COG2: variants seen among roughly 807,000 people sequenced by gnomAD.
COG2 encodes component of oligomeric golgi complex 2.
COG2 carries 52 observed loss-of-function variants against 90.6 expected under a neutral mutation model. The observed-to-expected ratio is 0.57, with a 90% CI of 0.46 to 0.72. The LOEUF is 0.72. Among genes scored for constraint, COG2 ranks in the 30% least tolerant of loss-of-function variants. The pLI is 0.00. For missense variants in COG2, 829 were observed against 891.2 expected, an observed-to-expected ratio of 0.93 and a Z score of 0.89; for synonymous variants, 337 against 320.4, an observed-to-expected ratio of 1.05 and a Z score of -0.55.
At chr1:230,665,758 A>G (rs1167890662) in intron 5 of COG2, among the ~76,000 whole-genome samples, 1 of 152,102 alleles carries the variant, frequency 6.6e-6, no homozygotes, top group Non-Finnish European at 1.5e-5. Context: ...CAGAGTCCCC[A>G]TCAGTGTCAG....
At chr1:230,642,708 G>A (rs753604000) in intron 1 of COG2, 30 bp downstream of exon 1, 1 of 1,601,940 alleles carries the variant, frequency 6.2e-7, no homozygotes, top group South Asian at 1.1e-5. Flanking sequence ...CCCGGAGCCG[G>A]GCCATGAGGG....
chr1:230,672,798 C>T (rs1662484646), intron 8 of COG2, among the ~76,000 whole-genome samples: 1 of 152,206 alleles, frequency 6.6e-6, no homozygotes, highest in Non-Finnish European at 1.5e-5. Flanking sequence ...CCGCTGCTCA[C>T]ACCTTCCCCT....
intron 10 of COG2, 44 bp downstream of exon 10, chr1:230,679,096 CAG>C (rs1662670140): frequency 2.6e-6 from 4 of 1,560,936 alleles, no homozygotes; most frequent in Non-Finnish European, 3.5e-6. Flanking sequence ...CCTTCTAAAA[CAG>C]AATTGGAATG....
chr1:230,671,587 T>C lies in COG2; in HGVS notation c.846T>C (p.Phe282=), dbSNP rs145037094. The part of the protein sequence containing the change: ...LQVMYNKLLE[F]VPHHCRLLRE... ...TCATGTATAATAAACTCCTGGAGTTTGTTCCTCACCATTGCCGCCTTCTTC... is the reference window on the plus strand; with the variant it reads ...TCATGTATAATAAACTCCTGGAGTTCGTTCCTCACCATTGCCGCCTTCTTC... The change falls in exon 8 of 18, where the codon TTT becomes TTC. Residue 282 remains phenylalanine, a synonymous_variant. Coordinates refer to ENST00000366669, the MANE Select transcript of COG2 (RefSeq NM_007357.3). The C allele has an allele frequency of 7.4e-5, 120 of 1,613,944 alleles. No homozygotes were observed. In the African/African-American group the frequency reaches 1.5e-3, roughly 20 times the overall value.
At chr1:230,667,989 T>A (rs998190685) in intron 5 of COG2, among the ~76,000 whole-genome samples, 4 of 152,190 alleles carry the variant, frequency 2.6e-5, no homozygotes, top group African/African-American at 9.7e-5. Flanking sequence ...GCCCTCTCAC[T>A]AGGACCCACA....
chr1:230,674,927 A>AAC lies in COG2; in HGVS notation c.900-67_900-66dup, dbSNP rs1243660935. The AAC allele has an allele frequency of 2.4e-6, 3 of 1,250,438 alleles. No individual in the cohort carries two copies. The East Asian group carries it at 7.7e-5, about 32-fold the overall frequency. 77.5% of individuals were successfully genotyped at this position (1,250,438 alleles called of 1,614,324 possible). On this transcript the variant is annotated intron_variant, in intron 8 of 17. Transcript: ENST00000366669. ...AGACTGCGGATCTTTTGGCAGAAGC[A>AAC]ACACAGTGGAAATTTGCTCTTTGTA...
chr1:230,668,626 G>T, intron 5 of COG2, 50 bp from the exon 6 acceptor site: 1 of 1,135,890 alleles, frequency 8.8e-7, no homozygotes, highest in Non-Finnish European at 1.3e-6. Flanking sequence ...GTATTCTCGT[G>T]GAAATAGAGA....
chr1:230,691,416 C>A lies in COG2; in HGVS notation c.1967C>A (p.Ser656Tyr). ...YYETVSDVLN[S>Y]VKKMEESLKR... ...GAAACCGTGTCAGATGTATTAAACT[C>A]TGTGAAGAAGATGGAAGAGAGCCTG... The change falls in exon 17 of 18, where the codon TCT (serine) becomes TAT (tyrosine). Residue 656 changes from serine (S) to tyrosine (Y), a missense_variant. Coordinates refer to ENST00000366669, the MANE Select transcript of COG2 (RefSeq NM_007357.3). The A allele has an allele frequency of 6.2e-7, 1 of 1,614,020 alleles. No individual in the cohort carries two copies. The highest frequency in any genetic ancestry group is 2.2e-5 in the East Asian group (1 of 44,880).
intron 11 of COG2, chr1:230,684,330 G>A (rs2102770538): frequency 6.6e-6 from 1 of 152,448 alleles, no homozygotes; most frequent in Middle Eastern, 3.4e-3. Context: ...CATGGTAGAG[G>A]GTCAGGTGCT....
intron 10 of COG2, chr1:230,679,810 A>G (rs1264877694): frequency 1.3e-5 from 2 of 152,234 alleles, no homozygotes; most frequent in Non-Finnish European, 2.9e-5. Context: ...TCTTTGAAGA[A>G]TCATAGGCTT....
chr1:230,664,052 G>A (rs1490510501), intron 4 of COG2, among the ~76,000 whole-genome samples: 1 of 152,012 alleles, frequency 6.6e-6, no homozygotes, highest in Non-Finnish European at 1.5e-5. Context: ...CTCCAGATGT[G>A]GTGGTGTGTG....
At chr1:230,687,264 A>C in intron 13 of COG2, 132 bp downstream of exon 13, 1 of 614,600 alleles carries the variant, frequency 1.6e-6, no homozygotes, top group East Asian at 2.9e-5. Context: ...CCCAAGAGAG[A>C]ACCTCTCACT....
chr1:230,690,059 C>T lies in COG2; in HGVS notation c.1840C>T (p.Pro614Ser). The change falls in exon 16 of 18, where the codon CCC (proline) becomes TCC (serine). Residue 614 changes from proline (P) to serine (S), a missense_variant. Transcript: ENST00000366669. ...CTCCTATGTGGACAGTGCTCTGAAGCCCTTATTCCAGCTTCAGAGCGGACA... is the reference window on the plus strand; with the variant it reads ...CTCCTATGTGGACAGTGCTCTGAAGTCCTTATTCCAGCTTCAGAGCGGACA... ...ASSYVDSALK[P>S]LFQLQSGHKD... 6.2e-7 allele frequency: 1 copy of T among 1,613,016 alleles called. No homozygotes were observed.
intron 2 of COG2, among the ~76,000 whole-genome samples, chr1:230,660,417 T>C (rs533325631): frequency 3.2e-4 from 48 of 152,234 alleles, no homozygotes; most frequent in Non-Finnish European, 6.2e-4. Flanking sequence ...ACTGGTTGAA[T>C]ATTGTAAATT....
At chr1:230,664,244 A>T (rs1662259856) in intron 4 of COG2, among the ~76,000 whole-genome samples, 1 of 152,046 alleles carries the variant, frequency 6.6e-6, no homozygotes, top group African/African-American at 2.4e-5. Context: ...AAACCAAAAA[A>T]AAAAAGTTTT....
chr1:230,676,437 G>A (rs145986271), intron 9 of COG2, among the ~76,000 whole-genome samples: 2 of 152,152 alleles, frequency 1.3e-5, no homozygotes, highest in African/African-American at 2.4e-5. Flanking sequence ...TTATGTTCTC[G>A]AGCCTTCTCC....
chr1:230,646,015 G>A (rs1310670080), intron 1 of COG2, among the ~76,000 whole-genome samples: 1 of 152,044 alleles, frequency 6.6e-6, no homozygotes, highest in East Asian at 1.9e-4. Context: ...TTCCTCCTGA[G>A]GTCTGCCTCC....
intron 4 of COG2, among the ~76,000 whole-genome samples, chr1:230,663,913 G>C (rs963238496): frequency 3.3e-5 from 5 of 152,252 alleles, no homozygotes; most frequent in Middle Eastern, 3.4e-3. Context: ...GAGGCCAGGT[G>C]TGGTGGCTCA....
intron 1 of COG2, among the ~76,000 whole-genome samples, chr1:230,655,971 A>C (rs1662036891): frequency 6.6e-6 from 1 of 151,966 alleles, no homozygotes; most frequent in Non-Finnish European, 1.5e-5. Context: ...TATTGCATCT[A>C]TTTGATTCTT....
Sources: gnomAD v4.1 joint callset for allele counts (sites outside exome capture counted in the v4.1 genomes callset) on GRCh38, gnomAD v4.1.1 for gene constraint, MANE v1.5 for transcripts, NCBI Gene and HGNC (gene_info 2026-07-23, HGNC 2026-07-21) for gene names.